AGBL1: variants seen among roughly 807,000 people sequenced by gnomAD.
The protein encoded by AGBL1 is AGBL carboxypeptidase 1.
AGBL1 carries 130 observed loss-of-function variants against 118.9 expected under a neutral mutation model. That is an observed-to-expected ratio of 1.09 (90% CI 0.95 to 1.26). The LOEUF (loss-of-function observed/expected upper bound fraction) is 1.26, where lower values mean the gene tolerates loss of function less well. Among genes scored for constraint, AGBL1 ranks in the 50% most tolerant of loss-of-function variants. The pLI is 0.00. For missense variants in AGBL1, 1,584 were observed against 1,298.1 expected, an observed-to-expected ratio of 1.22 and a Z score of -3.38; for synonymous variants, 555 against 478.9, an observed-to-expected ratio of 1.16 and a Z score of -2.08.
At chr15:86,922,178 T>C (rs2080487860) in intron 23 of AGBL1, among the ~76,000 whole-genome samples, 1 of 152,232 alleles carries the variant, frequency 6.6e-6, no homozygotes, top group Non-Finnish European at 1.5e-5. Context: ...ATTTCAAAAA[T>C]AGTATTTTGC....
At position 86,267,096 on chromosome 15, in the gene AGBL1, G is replaced by C. The variant is rs1293012625; in HGVS notation, c.1838+20G>C. 1.3e-6 allele frequency: 2 copies of C among 1,538,574 alleles called. No individual in the cohort carries two copies. Among genetic ancestry groups the C allele is most frequent in the Admixed American group, 2.0e-5 (1 of 51,268 alleles). On this transcript the variant is annotated intron_variant, in intron 13 of 22. Coordinates refer to ENST00000614907, the MANE Select transcript of AGBL1 (RefSeq NM_001386094.1). Reference sequence around the variant, plus strand: ...GCGTGAGTAAGTAAGGAAAACCACAGTGGGTGTCTCCTGTCAGTTCGTAAG... The same window carrying C: ...GCGTGAGTAAGTAAGGAAAACCACACTGGGTGTCTCCTGTCAGTTCGTAAG...
intron 23 of AGBL1, among the ~76,000 whole-genome samples, chr15:86,958,321 T>C (rs937549986): frequency 2.6e-5 from 4 of 152,060 alleles, no homozygotes; most frequent in African/African-American, 9.7e-5. Context: ...ACAGGTGTGA[T>C]GATCGAAATG....
chr15:87,017,465 C>CTGA (rs139514530), intron 24 of AGBL1, among the ~76,000 whole-genome samples: 1,750 of 152,212 alleles, frequency 0.011, 32 homozygotes, highest in African/African-American at 0.039. Flanking sequence ...GCAGCCTTCA[C>CTGA]TGATTGATAA....
At chr15:86,416,908 T>C (rs1387109202) in intron 18 of AGBL1, among the ~76,000 whole-genome samples, 2 of 152,212 alleles carry the variant, frequency 1.3e-5, no homozygotes, top group African/African-American at 2.4e-5. Context: ...CAAAAGACAA[T>C]GGACTCTTCC....
rs140608027 is a variant in AGBL1 at position 86,348,143 on chromosome 15, A to G, written c.2375-49223A>G. On this transcript the variant is annotated intron_variant, in intron 17 of 22. Coordinates refer to ENST00000614907, the MANE Select transcript of AGBL1 (RefSeq NM_001386094.1). ...TTTCCTCCTGTTGCTAGTCCACAGC[A>G]TCTTCTTAAGGAAGGGGAAAGGAAC... is the stretch of plus-strand genomic sequence containing the variant. 9.3e-3 allele frequency among the ~76,000 whole-genome samples: 1,420 copies of G among 152,320 alleles called. 33 individuals carry two copies. Among genetic ancestry groups the G allele is most frequent in the African/African-American group, 0.032 (1,317 of 41,576 alleles).
chr15:86,990,845 AACTC>A (rs1033225288), intron 24 of AGBL1, among the ~76,000 whole-genome samples: 1 of 152,148 alleles, frequency 6.6e-6, no homozygotes, highest in Non-Finnish European at 1.5e-5. Flanking sequence ...GGCATATGGA[AACTC>A]AGAAGGGGGA....
intron 18 of AGBL1, among the ~76,000 whole-genome samples, chr15:86,505,757 A>C (rs1439140212): frequency 1.3e-5 from 2 of 151,930 alleles, no homozygotes; most frequent in Admixed American, 6.6e-5. Context: ...CTTAGACAGT[A>C]AGTTCAATAT....
intron 17 of AGBL1, among the ~76,000 whole-genome samples, chr15:86,320,722 CGTGT>C (rs3050863): frequency 0.1 from 14,941 of 148,082 alleles, 909 homozygotes; most frequent in African/African-American, 0.17. Flanking sequence ...TGTGTGTGTG[CGTGT>C]GTGTGTGTGT....
chr15:86,686,246 C>T (rs913749501), intron 22 of AGBL1, among the ~76,000 whole-genome samples: 3 of 152,078 alleles, frequency 2.0e-5, no homozygotes, highest in Non-Finnish European at 4.4e-5. Flanking sequence ...TTTGAATTGA[C>T]TCCATCTCCT....
intron 22 of AGBL1, among the ~76,000 whole-genome samples, chr15:86,796,794 A>C (rs1273729739): frequency 1.3e-5 from 2 of 152,224 alleles, no homozygotes; most frequent in Non-Finnish European, 2.9e-5. Flanking sequence ...GAGACTGTTT[A>C]GTCCACAAAG....
At chr15:86,823,151 C>T (rs565349777) in intron 22 of AGBL1, among the ~76,000 whole-genome samples, 1 of 152,128 alleles carries the variant, frequency 6.6e-6, no homozygotes, top group South Asian at 2.1e-4. Flanking sequence ...TTAGTAATAC[C>T]CTTATCTTCT....
intron 22 of AGBL1, among the ~76,000 whole-genome samples, chr15:86,706,034 T>A (rs1326360085): frequency 6.6e-6 from 1 of 152,092 alleles, no homozygotes; most frequent in East Asian, 1.9e-4. Flanking sequence ...AGACATGAGA[T>A]CTATAAGGTA....
chr15:86,387,730 T>C (rs74027535), intron 17 of AGBL1, among the ~76,000 whole-genome samples: 16,193 of 152,272 alleles, frequency 0.11, 1,021 homozygotes, highest in African/African-American at 0.18. Flanking sequence ...CAGCCTTGGC[T>C]TCCATGCCTT....
chr15:86,216,461 G>T (rs1274742657), intron 5 of AGBL1, among the ~76,000 whole-genome samples: 1 of 152,030 alleles, frequency 6.6e-6, no homozygotes, highest in African/African-American at 2.4e-5. Context: ...GAATAATTTT[G>T]TAAGAAAAAT....
At position 86,458,408 on chromosome 15, in the gene AGBL1, C is replaced by T. The variant is rs372541677; in HGVS notation, c.2555+60862C>T. Among the ~76,000 whole-genome samples the T allele has an allele frequency of 7.2e-5, 11 of 152,254 alleles. No individual in the cohort carries two copies. The South Asian group carries it at 2.3e-3, about 32-fold the overall frequency. On this transcript the variant is annotated intron_variant, in intron 18 of 22. Coordinates refer to ENST00000614907, the MANE Select transcript of AGBL1 (RefSeq NM_001386094.1). ...TCCATTTTGCATCAATTTTCTTTCT[C>T]TCTTTACCAAGTGACAGATTTAATG... is the stretch of plus-strand genomic sequence containing the variant.
intron 23 of AGBL1, among the ~76,000 whole-genome samples, chr15:86,983,154 T>G (rs1472496926): frequency 4.6e-5 from 7 of 152,202 alleles, no homozygotes; most frequent in Non-Finnish European, 1.5e-5. Flanking sequence ...GTTGACCTTC[T>G]TTTTGAATGT....
At chr15:86,248,895 A>T (rs1173381008) in intron 7 of AGBL1, among the ~76,000 whole-genome samples, 4 of 152,200 alleles carry the variant, frequency 2.6e-5, no homozygotes, top group Non-Finnish European at 5.9e-5. Flanking sequence ...ATCTCTGAGC[A>T]GATGACACCT....
chr15:87,006,999 A>G (rs2081512014), intron 24 of AGBL1, among the ~76,000 whole-genome samples: 1 of 152,220 alleles, frequency 6.6e-6, no homozygotes, highest in Non-Finnish European at 1.5e-5. Context: ...AAGCAGGGAA[A>G]AACTAAGTCA....
intron 5 of AGBL1, 42 bp from the exon 6 acceptor site, chr15:86,224,872 A>T: frequency 6.2e-7 from 1 of 1,606,654 alleles, no homozygotes; most frequent in Non-Finnish European, 8.5e-7. Flanking sequence ...TGAGAAAAAG[A>T]CCATTGAATG....
Sources: allele counts gnomAD v4.1 joint callset (sites outside exome capture counted in the v4.1 genomes callset), GRCh38; gene constraint gnomAD v4.1.1; transcripts MANE v1.5; gene names NCBI Gene and HGNC (gene_info 2026-07-23, HGNC 2026-07-21).